Variants in FHIP1A observed in about 807,000 individuals in gnomAD.
FHIP1A encodes FHF complex subunit HOOK-interacting protein 1A.
Under a neutral mutation model 88.6 loss-of-function variants are expected in FHIP1A, and 61 were observed. The observed-to-expected ratio is 0.69, with a 90% CI of 0.56 to 0.85. The LOEUF is 0.85. FHIP1A is among the 40% of genes least tolerant of loss of function. The pLI is 0.00. For missense variants in FHIP1A, 1,154 were observed against 1,273.5 expected, an observed-to-expected ratio of 0.91 and a Z score of 1.43; for synonymous variants, 478 against 496.0, an observed-to-expected ratio of 0.96 and a Z score of 0.48.
chr4:151,611,812 T>C (rs1735334460), intron 7 of FHIP1A, among the ~76,000 whole-genome samples: 1 of 152,232 alleles, frequency 6.6e-6, no homozygotes, highest in African/African-American at 2.4e-5. Context: ...GTGTTCTATG[T>C]ATAAGTGTTT....
intron 2 of FHIP1A, among the ~76,000 whole-genome samples, chr4:151,471,636 CG>C (rs1212039473): frequency 6.6e-6 from 1 of 151,750 alleles, no homozygotes; most frequent in African/African-American, 2.4e-5. Context: ...TATTTCCATA[CG>C]TTATTGGGGA....
At chr4:151,604,266 A>G (rs1299379949) in intron 7 of FHIP1A, among the ~76,000 whole-genome samples, 4 of 151,750 alleles carry the variant, frequency 2.6e-5, no homozygotes, top group Non-Finnish European at 5.9e-5. Context: ...TGCCCATGTT[A>G]TTCTGAGCAC....
intron 3 of FHIP1A, among the ~76,000 whole-genome samples, chr4:151,515,846 A>T (rs918247885): frequency 5.3e-5 from 8 of 152,224 alleles, no homozygotes; most frequent in Non-Finnish European, 8.8e-5. Flanking sequence ...GGTAGGAAGA[A>T]TCAATATCGT....
At chr4:151,609,154 C>T (rs190847417) in intron 7 of FHIP1A, among the ~76,000 whole-genome samples, 2 of 152,260 alleles carry the variant, frequency 1.3e-5, no homozygotes, top group African/African-American at 4.8e-5. Flanking sequence ...GCAATACTGG[C>T]CACTCAGTGA....
At chr4:151,429,413 C>T (rs866286231) in intron 1 of FHIP1A, among the ~76,000 whole-genome samples, 8 of 152,224 alleles carry the variant, frequency 5.3e-5, no homozygotes, top group Middle Eastern at 3.4e-3. Flanking sequence ...AAAAGTGAAA[C>T]GTGCCCTTCA....
intron 3 of FHIP1A, among the ~76,000 whole-genome samples, chr4:151,493,015 C>G (rs557085287): frequency 6.6e-6 from 1 of 151,886 alleles, no homozygotes; most frequent in South Asian, 2.1e-4. Flanking sequence ...GAAACAAACA[C>G]AAAGGCAAAA....
At chr4:151,644,818 C>G (rs1215498374) in intron 9 of FHIP1A, among the ~76,000 whole-genome samples, 1 of 152,150 alleles carries the variant, frequency 6.6e-6, no homozygotes, top group Non-Finnish European at 1.5e-5. Context: ...CCCTGGCGCC[C>G]TCCTGTGGTG....
chr4:151,453,259 G>T (rs536986620), intron 1 of FHIP1A, among the ~76,000 whole-genome samples: 2 of 151,968 alleles, frequency 1.3e-5, no homozygotes, highest in Non-Finnish European at 2.9e-5. Flanking sequence ...CAAGTGATCC[G>T]CCCGCCTTGG....
At chr4:151,541,112 T>A (rs555321325) in intron 3 of FHIP1A, among the ~76,000 whole-genome samples, 172 of 152,340 alleles carry the variant, frequency 1.1e-3, no homozygotes, top group African/African-American at 3.8e-3. Flanking sequence ...GGACTTTTTT[T>A]AAGATATGCT....
chr4:151,506,662 A>T (rs1730848030), intron 3 of FHIP1A, among the ~76,000 whole-genome samples: 1 of 152,046 alleles, frequency 6.6e-6, no homozygotes, highest in Non-Finnish European at 1.5e-5. Context: ...GTGAGAAGTT[A>T]TTCACTCCTA....
chr4:151,623,531 T>G (rs1482751638), intron 7 of FHIP1A, among the ~76,000 whole-genome samples: 1 of 147,870 alleles, frequency 6.8e-6, no homozygotes, highest in East Asian at 2.0e-4. Context: ...CTTTTTTTTT[T>G]TTTTTTTTTT....
chr4:151,485,426 G>T (rs1331123204), intron 3 of FHIP1A, among the ~76,000 whole-genome samples: 1 of 151,372 alleles, frequency 6.6e-6, no homozygotes, highest in African/African-American at 2.4e-5. Flanking sequence ...AGTGTATAGT[G>T]CCACACTGAA....
chr4:151,420,800 A>G (rs1580543875), intron 1 of FHIP1A, among the ~76,000 whole-genome samples: 2 of 152,228 alleles, frequency 1.3e-5, no homozygotes, highest in African/African-American at 4.8e-5. Context: ...AGATCAACCT[A>G]GGGAAGGAAA....
chr4:151,635,520 A>G (rs914084254), intron 8 of FHIP1A, among the ~76,000 whole-genome samples: 1 of 151,890 alleles, frequency 6.6e-6, no homozygotes, highest in African/African-American at 2.4e-5. Context: ...TGTTATATAT[A>G]TACAATGGAA....
At chr4:151,499,604 C>T (rs2034061) in intron 3 of FHIP1A, among the ~76,000 whole-genome samples, 76,910 of 152,062 alleles carry the variant, frequency 0.51, 19,721 homozygotes, top group Non-Finnish European at 0.55. Context: ...TATTAGTCCA[C>T]TCTCATGCTG....
intron 7 of FHIP1A, among the ~76,000 whole-genome samples, chr4:151,616,016 T>C (rs1414662175): frequency 6.6e-6 from 1 of 152,200 alleles, no homozygotes; most frequent in African/African-American, 2.4e-5. Context: ...ATTGCCCGTG[T>C]GTTGCCATGA....
intron 1 of FHIP1A, among the ~76,000 whole-genome samples, chr4:151,435,618 C>T (rs1728156064): frequency 6.6e-6 from 1 of 152,014 alleles, no homozygotes; most frequent in Admixed American, 6.6e-5. Context: ...AACCCCATCT[C>T]TACTAAAAAT....
In FHIP1A at chr4:151,668,075, C is replaced by T. The variant is rs550323591; in HGVS notation, c.*5321C>T. 6.6e-5 allele frequency among the ~76,000 whole-genome samples: 10 copies of T among 152,276 alleles called. No homozygotes were observed. The highest frequency in any genetic ancestry group is 1.3e-4 in the Admixed American group (2 of 15,296). On this transcript the variant is annotated 3_prime_UTR_variant, in exon 14 of 14. Transcript: ENST00000435205. ...TTTGGTGTTGACAATCTTACTTACA[C>T]GACTCTTGCTAAGCTATTTGACTAA...
At chr4:151,529,202 G>T (rs528156285) in intron 3 of FHIP1A, among the ~76,000 whole-genome samples, 1 of 152,242 alleles carries the variant, frequency 6.6e-6, no homozygotes, top group Non-Finnish European at 1.5e-5. Flanking sequence ...TCAGGTAGTG[G>T]GAAGCTTACT....
Sources: allele counts gnomAD v4.1 joint callset (sites outside exome capture counted in the v4.1 genomes callset), GRCh38; gene constraint gnomAD v4.1.1; transcripts MANE v1.5; gene names NCBI Gene and HGNC (gene_info 2026-07-23, HGNC 2026-07-21).